SETD2: variants seen among roughly 807,000 people sequenced by gnomAD.
SETD2 encodes the protein histone-lysine N-methyltransferase SETD2.
In SETD2, 31 loss-of-function variants were observed where a neutral mutation model predicts 242.1. The observed-to-expected ratio is 0.13, with a 90% CI of 0.10 to 0.17. The LOEUF is 0.17. SETD2 is among the 10% of genes least tolerant of loss of function. The probability of loss-of-function intolerance (pLI) is 1.00; values close to 1 mark genes in which losing one functional copy is unlikely to be tolerated. For missense variants in SETD2, 2,481 were observed against 3,046.3 expected (o/e 0.81, Z 4.37); for synonymous variants, 1,006 against 1,066.5 (o/e 0.94, Z 1.11).
chr3:47,140,603 G>C (rs753808241), intron 1 of SETD2, among the ~76,000 whole-genome samples: 22 of 152,236 alleles, frequency 1.4e-4, no homozygotes, highest in Non-Finnish European at 8.8e-5. Context: ...GCTCACGCCT[G>C]TAATCTCAGC....
At chr3:47,033,503 G>C (rs533341206) in intron 18 of SETD2, among the ~76,000 whole-genome samples, 15 of 152,266 alleles carry the variant, frequency 9.9e-5, no homozygotes, top group African/African-American at 3.6e-4. Flanking sequence ...GGGAATGTGT[G>C]TATCTCCTAA....
chr3:47,067,169 A>G (rs1456527899), intron 12 of SETD2, 51 bp from the exon 13 acceptor site: 1 of 1,338,104 alleles, frequency 7.5e-7, no homozygotes, highest in Non-Finnish European at 1.1e-6. Context: ...GGAAATGGTG[A>G]TTGCTTTGAA....
chr3:47,119,766 C>G (rs1215401045), intron 3 of SETD2: 1 of 468,756 alleles, frequency 2.1e-6, no homozygotes, highest in South Asian at 1.6e-5. Flanking sequence ...ATACAGTACC[C>G]AAAGATACTT....
intron 1 of SETD2, among the ~76,000 whole-genome samples, chr3:47,152,174 T>C (rs2044001247): frequency 6.6e-6 from 1 of 152,248 alleles, no homozygotes; most frequent in African/African-American, 2.4e-5. Flanking sequence ...CTATTATGGT[T>C]ACCTTGAGGC....
At chr3:47,158,393 T>C (rs1158572706) in intron 1 of SETD2, among the ~76,000 whole-genome samples, 1 of 152,174 alleles carries the variant, frequency 6.6e-6, no homozygotes, top group Non-Finnish European at 1.5e-5. Context: ...ACCTTGTGCC[T>C]GCCTCCAGTT....
chr3:47,058,825 C>T (rs2040199124), intron 14 of SETD2, among the ~76,000 whole-genome samples: 1 of 151,364 alleles, frequency 6.6e-6, no homozygotes, highest in Admixed American at 6.6e-5. Context: ...GATGGAGTCT[C>T]ACTCTGTTGC....
intron 8 of SETD2, among the ~76,000 whole-genome samples, chr3:47,099,418 T>C (rs1257456186): frequency 6.6e-6 from 1 of 152,230 alleles, no homozygotes; most frequent in Non-Finnish European, 1.5e-5. Flanking sequence ...AATCAGAAAG[T>C]ATCTTGCATA....
chr3:47,120,057 T>C (rs1575809348), intron 3 of SETD2, 125 bp downstream of exon 3: 1 of 849,624 alleles, frequency 1.2e-6, no homozygotes, highest in East Asian at 2.7e-5. Context: ...TTTTAGACTT[T>C]TAAATTTACT....
chr3:47,107,739 G>C (rs1203773292), intron 5 of SETD2, among the ~76,000 whole-genome samples: 3 of 125,920 alleles, frequency 2.4e-5, no homozygotes, highest in Non-Finnish European at 5.2e-5. Flanking sequence ...GTGGGGGGGG[G>C]GTGGCAGGAT....
rs1195799125 is a variant in SETD2 at position 47,139,760 on chromosome 3, TAC to T, written c.72-13099_72-13098del. Reference sequence around the variant, plus strand: ...TAAAAAAAAACACTGATGAAAAATATACGTTATTTATGTGGTCAATAAAGCTA... The same window carrying T: ...TAAAAAAAAACACTGATGAAAAATATGTTATTTATGTGGTCAATAAAGCTA... On this transcript the variant is annotated intron_variant, in intron 1 of 20. Coordinates refer to ENST00000409792, the MANE Select transcript of SETD2 (RefSeq NM_014159.7). Among the ~76,000 whole-genome samples the T allele has an allele frequency of 2.6e-5, 4 of 152,130 alleles. No individual in the cohort carries two copies. The East Asian group carries it at 7.7e-4, about 29-fold the overall frequency.
chr3:47,149,660 C>CCA (rs1174107859), intron 1 of SETD2, among the ~76,000 whole-genome samples: 2 of 152,130 alleles, frequency 1.3e-5, no homozygotes, highest in African/African-American at 4.8e-5. Flanking sequence ...CCCTGATTGC[C>CCA]CACCTGATCC....
intron 12 of SETD2, among the ~76,000 whole-genome samples, chr3:47,080,533 C>G (rs1418495372): frequency 6.6e-5 from 10 of 152,130 alleles, no homozygotes; most frequent in Non-Finnish European, 1.5e-4. Flanking sequence ...CCACTGGTAA[C>G]CAGCTGTTTT....
intron 18 of SETD2, among the ~76,000 whole-genome samples, chr3:47,036,742 C>A (rs1204499458): frequency 1.3e-5 from 2 of 151,082 alleles, no homozygotes; most frequent in East Asian, 3.9e-4. Context: ...GTCTCTACTA[C>A]AAATACAAAA....
upstream of SETD2, among the ~76,000 whole-genome samples, chr3:47,164,132 G>A (rs867172686): frequency 2.6e-5 from 4 of 152,014 alleles, no homozygotes; most frequent in Non-Finnish European, 5.9e-5. The surrounding 1 kb of genome is among the most constrained non-coding windows in gnomAD (Gnocchi z 5.4). Flanking sequence ...CCCTCACACC[G>A]GGAGCGACGC....
chr3:47,069,567 C>T (rs2040725478), intron 12 of SETD2, among the ~76,000 whole-genome samples: 2 of 152,188 alleles, frequency 1.3e-5, no homozygotes, highest in African/African-American at 4.8e-5. Flanking sequence ...ACTGGCTATT[C>T]TTATCCTCAC....
chr3:47,087,099 A>G (rs1055064166), intron 10 of SETD2, among the ~76,000 whole-genome samples: 2 of 152,046 alleles, frequency 1.3e-5, no homozygotes, highest in Non-Finnish European at 2.9e-5. Flanking sequence ...AAACTGGTGT[A>G]AAAAAGGGTA....
At chr3:47,113,106 C>CTTT (rs67797383) in intron 5 of SETD2, among the ~76,000 whole-genome samples, 2 of 148,292 alleles carry the variant, frequency 1.3e-5, no homozygotes, top group East Asian at 2.0e-4. Context: ...CTCTTCTACT[C>CTTT]TTTTTTTTTT....
chr3:47,068,240 T>C (rs1223090735), intron 12 of SETD2, among the ~76,000 whole-genome samples: 3 of 152,204 alleles, frequency 2.0e-5, no homozygotes, highest in South Asian at 2.1e-4. Flanking sequence ...CCACAATTGT[T>C]GCTTCTCACA....
At chr3:47,053,194 G>A (rs2107566127) in intron 15 of SETD2, among the ~76,000 whole-genome samples, 1 of 152,194 alleles carries the variant, frequency 6.6e-6, no homozygotes, top group East Asian at 1.9e-4. Context: ...GGCCTAAAAT[G>A]TGATTTCTAA....
Sources: allele counts gnomAD v4.1 joint callset (sites outside exome capture counted in the v4.1 genomes callset), GRCh38; gene constraint gnomAD v4.1.1; non-coding constraint Gnocchi (gnomAD v3.1); transcripts MANE v1.5; gene names NCBI Gene and HGNC (gene_info 2026-07-23, HGNC 2026-07-21).